Variants in STAG1 observed in about 807,000 individuals in gnomAD.
STAG1 encodes cohesin subunit SA-1.
A neutral mutation model predicts 170.9 loss-of-function variants in STAG1; 26 were observed. The ratio of observed to expected loss-of-function variants is 0.15; its 90% CI spans 0.11 to 0.21. The LOEUF is 0.21. Among genes scored for constraint, STAG1 ranks in the 10% least tolerant of loss-of-function variants. The pLI, the probability that STAG1 is intolerant of heterozygous loss-of-function variation, is 1.00. For synonymous variants in STAG1, 514 were observed against 497.7 expected, an observed-to-expected ratio of 1.03 and a Z score of -0.44; for missense variants, 964 against 1,509.5, an observed-to-expected ratio of 0.64 and a Z score of 5.99.
intron 5 of STAG1, among the ~76,000 whole-genome samples, chr3:136,544,380 TACAC>T (rs1936050242): frequency 6.6e-6 from 1 of 152,076 alleles, no homozygotes. Flanking sequence ...GGTACACAAG[TACAC>T]AGAAGACTGA....
chr3:136,392,309 A>C (rs2108329474), intron 22 of STAG1, among the ~76,000 whole-genome samples: 1 of 152,336 alleles, frequency 6.6e-6, no homozygotes, highest in Admixed American at 6.5e-5. Flanking sequence ...GAGGTAAAAT[A>C]AATTACGGTA....
intron 22 of STAG1, among the ~76,000 whole-genome samples, chr3:136,386,814 T>C (rs2086885337): frequency 6.6e-6 from 1 of 152,202 alleles, no homozygotes. Context: ...TCCATAACTA[T>C]GAAATACGGT....
At position 136,613,945 on chromosome 3, in the gene STAG1, T is replaced by A. The variant is rs569355086; in HGVS notation, c.132+9201A>T. Among the ~76,000 whole-genome samples the A allele has an allele frequency of 2.6e-5, 4 of 152,326 alleles. No homozygotes were observed. The South Asian group carries it at 8.3e-4, about 32-fold the overall frequency. On this transcript the variant is annotated intron_variant, in intron 3 of 33. Coordinates refer to ENST00000383202, the MANE Select transcript of STAG1 (RefSeq NM_005862.3). The stretch of plus-strand genomic sequence containing the variant: ...AAGAACTTATACTGGCTGGGCGTCG[T>A]GGCTCATGCCTGTAATCCCAGCACT...
intron 6 of STAG1, among the ~76,000 whole-genome samples, chr3:136,536,870 A>AC (rs1935661150): frequency 6.6e-6 from 1 of 152,186 alleles, no homozygotes; most frequent in African/African-American, 2.4e-5. Flanking sequence ...TAAACTACCT[A>AC]CCTCACAAAA....
chr3:136,372,554 A>T (rs13093296), intron 23 of STAG1, among the ~76,000 whole-genome samples: 7 of 152,274 alleles, frequency 4.6e-5, no homozygotes, highest in African/African-American at 1.4e-4. Flanking sequence ...AGTTTTTAGT[A>T]TGAAGGTTGT....
chr3:136,574,842 T>G (rs1412666862), intron 4 of STAG1, among the ~76,000 whole-genome samples: 1 of 152,144 alleles, frequency 6.6e-6, no homozygotes, highest in African/African-American at 2.4e-5. Flanking sequence ...TACATAAAAC[T>G]TAACACCAAC....
intron 7 of STAG1, among the ~76,000 whole-genome samples, chr3:136,504,066 A>G (rs1933632050): frequency 6.6e-6 from 1 of 152,120 alleles, no homozygotes; most frequent in African/African-American, 2.4e-5. Context: ...ATGTAAACAT[A>G]TGTGTTTTCT....
rs370505142 is a variant in STAG1, at chr3:136,371,999, T to A, written c.2371-2717A>T. Among the ~76,000 whole-genome samples the A allele has an allele frequency of 3.9e-5, 6 of 152,344 alleles. No homozygotes were observed. In the East Asian group the frequency reaches 1.2e-3, roughly 29 times the overall value. ...CTTCCTACCCATGAGCATGGAATGT[T>A]CTTCCACTTGTTTGTATCCTCTTTT... On this transcript the variant is annotated intron_variant, in intron 23 of 33. Transcript: ENST00000383202.
intron 3 of STAG1, among the ~76,000 whole-genome samples, chr3:136,616,571 A>C (rs1006751845): frequency 1.3e-5 from 2 of 152,196 alleles, no homozygotes; most frequent in African/African-American, 2.4e-5. Flanking sequence ...TTTTATAGAG[A>C]TCTTTGTTTC....
chr3:136,569,597 A>C (rs1244327236), intron 4 of STAG1, among the ~76,000 whole-genome samples: 1 of 152,048 alleles, frequency 6.6e-6, no homozygotes, highest in African/African-American at 2.4e-5. Context: ...AAAGTTAGCA[A>C]AATTTAGTAA....
At chr3:136,499,584 A>G (rs565533195) in intron 9 of STAG1, among the ~76,000 whole-genome samples, 1 of 152,354 alleles carries the variant, frequency 6.6e-6, no homozygotes, top group Admixed American at 6.5e-5. Flanking sequence ...AAGTATATGT[A>G]TATGATTCAT....
intron 4 of STAG1, among the ~76,000 whole-genome samples, chr3:136,597,164 T>C (rs1938465672): frequency 6.6e-6 from 1 of 152,246 alleles, no homozygotes; most frequent in African/African-American, 2.4e-5. Flanking sequence ...TATTTTTTTG[T>C]TAGTATAAAC....
intron 13 of STAG1, among the ~76,000 whole-genome samples, chr3:136,464,353 G>A (rs981809079): frequency 1.3e-5 from 2 of 151,810 alleles, no homozygotes; most frequent in African/African-American, 4.8e-5. Context: ...AACCTGGGAG[G>A]CAGAAGTTGT....
intron 29 of STAG1, among the ~76,000 whole-genome samples, chr3:136,348,231 C>CT (rs1936306252): frequency 6.6e-6 from 1 of 150,976 alleles, no homozygotes; most frequent in African/African-American, 2.4e-5. Flanking sequence ...AGCATTTTTA[C>CT]TTTGAGGCTT....
intron 22 of STAG1, among the ~76,000 whole-genome samples, chr3:136,394,562 G>A (rs961384479): frequency 6.6e-6 from 1 of 151,814 alleles, no homozygotes; most frequent in Admixed American, 6.6e-5. Context: ...GACTGCTTGA[G>A]TCTAGGAGTT....
intron 4 of STAG1, among the ~76,000 whole-genome samples, chr3:136,578,801 AC>A (rs1937533770): frequency 1.3e-5 from 2 of 152,290 alleles, no homozygotes; most frequent in South Asian, 4.1e-4. Flanking sequence ...ACCACCACTG[AC>A]CCACCCTGTG....
intron 13 of STAG1, among the ~76,000 whole-genome samples, chr3:136,452,821 G>A (rs541417717): frequency 3.2e-4 from 48 of 151,940 alleles, no homozygotes; most frequent in Non-Finnish European, 5.6e-4. Context: ...ACAGAGTCTC[G>A]CTCTGTCACC....
At chr3:136,461,644 T>C (rs893863670) in intron 13 of STAG1, among the ~76,000 whole-genome samples, 1 of 149,264 alleles carries the variant, frequency 6.7e-6, no homozygotes, top group African/African-American at 2.5e-5. Context: ...AATATTAGTC[T>C]GGGTAGAGTT....
chr3:136,471,464 A>G (rs1345952529), intron 12 of STAG1, among the ~76,000 whole-genome samples: 1 of 152,192 alleles, frequency 6.6e-6, no homozygotes, highest in Non-Finnish European at 1.5e-5. Context: ...AAATGACCCT[A>G]TATTTAGAAC....
Sources: gnomAD v4.1 joint callset for allele counts (sites outside exome capture counted in the v4.1 genomes callset) on GRCh38, gnomAD v4.1.1 for gene constraint, MANE v1.5 for transcripts, NCBI Gene and HGNC (gene_info 2026-07-23, HGNC 2026-07-21) for gene names.